The following AFF3 variants were observed in gnomAD, a reference collection of about 807,000 sequenced individuals.
AFF3 encodes ALF transcription elongation factor 3.
Under a neutral mutation model 129.7 loss-of-function variants are expected in AFF3, and 32 were observed. The ratio of observed to expected loss-of-function variants is 0.25; its 90% CI spans 0.19 to 0.33. AFF3 has a LOEUF of 0.33. Among genes scored for constraint, AFF3 ranks in the 10% least tolerant of loss-of-function variants. The probability of loss-of-function intolerance (pLI) is 1.00; values close to 1 mark genes in which losing one functional copy is unlikely to be tolerated. For synonymous variants in AFF3, 644 were observed against 635.4 expected, an observed-to-expected ratio of 1.01 and a Z score of -0.20; for missense variants, 1,373 against 1,592.0, an observed-to-expected ratio of 0.86 and a Z score of 2.34.
At chr2:100,082,140 C>T (rs1689087968) in intron 4 of AFF3, among the ~76,000 whole-genome samples, 2 of 152,136 alleles carry the variant, frequency 1.3e-5, no homozygotes, top group Non-Finnish European at 2.9e-5. Flanking sequence ...TTTTAATTCT[C>T]ATTATGAGAT....
intron 8 of AFF3, among the ~76,000 whole-genome samples, chr2:99,812,968 C>A (rs866138346): frequency 3.3e-5 from 5 of 152,020 alleles, no homozygotes; most frequent in Non-Finnish European, 5.9e-5. Flanking sequence ...TTTTATAATT[C>A]ATTACCCTAT....
At chr2:99,975,911 A>C (rs1299115638) in intron 7 of AFF3, among the ~76,000 whole-genome samples, 3 of 151,388 alleles carry the variant, frequency 2.0e-5, no homozygotes, top group Admixed American at 2.0e-4. Context: ...AACCCACACA[A>C]AAAAAATGAA....
intron 18 of AFF3, among the ~76,000 whole-genome samples, 156 bp from the exon 19 acceptor site, chr2:99,569,071 T>G (rs1676246170): frequency 6.6e-6 from 1 of 152,248 alleles, no homozygotes; most frequent in Non-Finnish European, 1.5e-5. Flanking sequence ...ACTGCCTGTA[T>G]GTCAAATACC....
chr2:100,112,365 C>G (rs111268978), intron 2 of AFF3: 7 of 152,238 alleles, frequency 4.6e-5, no homozygotes, highest in Non-Finnish European at 8.8e-5. Flanking sequence ...CAGGAAACCC[C>G]TGGAAAAGAA....
At chr2:100,052,794 A>AGGGGCAGGGC (rs1686451235) in intron 4 of AFF3, among the ~76,000 whole-genome samples, 1 of 152,246 alleles carries the variant, frequency 6.6e-6, no homozygotes, top group Non-Finnish European at 1.5e-5. Flanking sequence ...GGACTCCTGC[A>AGGGGCAGGGC]GGGGCAGGGC....
In AFF3 at chr2:99,568,742, G is replaced by A. The variant is rs548382887; in HGVS notation, c.2982+110C>T. 489 of 1,083,888 alleles carry A rather than the reference G, an allele frequency of 4.5e-4. 2 individuals are homozygous for A. The South Asian group carries it at 4.7e-3, about 10-fold the overall frequency. 67.1% of individuals were successfully genotyped at this position (1,083,888 alleles called of 1,614,324 possible). On this transcript the variant is annotated intron_variant, in intron 19 of 24. Coordinates refer to ENST00000672756, the MANE Select transcript of AFF3 (RefSeq NM_001386135.1). ...AAACATTTCTCCATTGAACAGACCC[G>A]GCCATCCTTGTAATAGATTTTATAA... is the stretch of plus-strand genomic sequence containing the variant.
intron 7 of AFF3, among the ~76,000 whole-genome samples, chr2:99,955,304 T>C (rs113954832): frequency 1.1e-4 from 16 of 151,960 alleles, no homozygotes; most frequent in South Asian, 1.0e-3. Flanking sequence ...TAATAAAATA[T>C]ATAGAGTATT....
chr2:99,560,641 A>G (rs1675383790), intron 20 of AFF3, among the ~76,000 whole-genome samples: 1 of 152,224 alleles, frequency 6.6e-6, no homozygotes, highest in Non-Finnish European at 1.5e-5. Context: ...TGTGATGACT[A>G]GAACAGCTAC....
chr2:99,670,875 G>T (rs1687088605), intron 12 of AFF3, among the ~76,000 whole-genome samples: 3 of 152,168 alleles, frequency 2.0e-5, no homozygotes, highest in African/African-American at 7.2e-5. Flanking sequence ...AAGAATAAAG[G>T]ATCTGACCTG....
intron 13 of AFF3, 115 bp from the exon 14 acceptor site, chr2:99,601,736 C>T (rs1679861664): frequency 8.0e-6 from 10 of 1,243,578 alleles, no homozygotes; most frequent in African/African-American, 1.5e-5. Context: ...GCAGCCTACA[C>T]ATCTGTCAAC....
chr2:99,551,303 A>T lies in AFF3; in HGVS notation c.*171T>A. The stretch of plus-strand genomic sequence containing the variant: ...CACACATACACAGGCGGCTTCTTAT[A>T]TACCCACACATACAAACACACATGC... On this transcript the variant is annotated 3_prime_UTR_variant, in exon 25 of 25. Coordinates refer to ENST00000672756, the MANE Select transcript of AFF3 (RefSeq NM_001386135.1). 1.1e-6 allele frequency: 1 copy of T among 901,816 alleles called. No individual in the cohort carries two copies. Among genetic ancestry groups the T allele is most frequent in the Non-Finnish European group, 1.6e-6 (1 of 610,094 alleles). 55.9% of individuals were successfully genotyped at this position (901,816 alleles called of 1,614,324 possible). A position where few individuals can be genotyped will look rare whatever the true frequency, so the allele number is the denominator to read the frequency against.
At chr2:99,596,933 T>G (rs1461963329) in intron 14 of AFF3, among the ~76,000 whole-genome samples, 1 of 152,208 alleles carries the variant, frequency 6.6e-6, no homozygotes, top group Non-Finnish European at 1.5e-5. Context: ...CTATTGCCTC[T>G]CAAACAAAAT....
rs1330911542 is a variant in AFF3, at chr2:99,601,450, G to A, written c.1356C>T (p.His452=). 1.2e-6 allele frequency: 2 copies of A among 1,607,714 alleles called. No homozygotes were observed. Among genetic ancestry groups the A allele is most frequent in the East Asian group, 2.2e-5 (1 of 44,694 alleles). The change falls in exon 14 of 25, where the codon CAC becomes CAT. Residue 452 remains histidine (H), a synonymous_variant. Transcript: ENST00000672756. ...SSESEGSKPP[H]FSSPEAEPAS... ...CAGCGCTTACCTCGGGGCTGGAGAAGTGGGGGGGCTTGCTGCCCTCACTCT... is the reference window on the plus strand; with the variant it reads ...CAGCGCTTACCTCGGGGCTGGAGAAATGGGGGGGCTTGCTGCCCTCACTCT...
chr2:99,601,561 G>C lies in AFF3; in HGVS notation c.1245C>G (p.Ser415Arg). ...AGCTGCTGCTGCCGCTGCTGCTGCT[G>C]CTGCTGCTGCCCTTGCTGGAAGGCA... ...TSVPSSKGSS[S>R]SSSSGSSSSS... The change falls in exon 14 of 25, where the codon AGC becomes AGG. Residue 415 changes from serine (S) to arginine (R), a missense_variant. By Grantham distance (110) the Ser-to-Arg change is moderately radical. This residue lies in a region of AFF3 where 413 missense variants were observed against 424.4 expected (regional missense o/e 0.97). Coordinates refer to ENST00000672756, the MANE Select transcript of AFF3 (RefSeq NM_001386135.1). 6.2e-7 allele frequency: 1 copy of C among 1,602,260 alleles called. No individual in the cohort carries two copies. The highest frequency in any genetic ancestry group is 8.5e-7 in the Non-Finnish European group (1 of 1,176,592).
chr2:99,746,073 T>C (rs1239948834), intron 9 of AFF3, among the ~76,000 whole-genome samples: 1 of 151,794 alleles, frequency 6.6e-6, no homozygotes, highest in Non-Finnish European at 1.5e-5. Context: ...TTCACCACTA[T>C]ATAATTTATC....
intron 8 of AFF3, among the ~76,000 whole-genome samples, chr2:99,792,504 A>AAC (rs1365376507): frequency 6.7e-6 from 1 of 150,034 alleles, no homozygotes; most frequent in African/African-American, 2.5e-5. Context: ...AAAACAAACA[A>AAC]AACAACAAAA....
At chr2:99,870,694 C>T (rs1048485291) in intron 7 of AFF3, among the ~76,000 whole-genome samples, 1 of 152,230 alleles carries the variant, frequency 6.6e-6, no homozygotes, top group Non-Finnish European at 1.5e-5. Context: ...TTGTAACCAT[C>T]TTGGACCCTT....
intron 4 of AFF3, among the ~76,000 whole-genome samples, chr2:100,014,743 G>A (rs1336127499): frequency 6.7e-6 from 1 of 150,318 alleles, no homozygotes; most frequent in East Asian, 1.9e-4. Flanking sequence ...TTCAGAGGCG[G>A]TTATGTTACT....
intron 15 of AFF3, among the ~76,000 whole-genome samples, chr2:99,589,022 C>A (rs115948162): frequency 6.6e-6 from 1 of 152,160 alleles, no homozygotes; most frequent in African/African-American, 2.4e-5. Flanking sequence ...CAGAATATTA[C>A]GGAATTTTAT....
Sources: allele counts gnomAD v4.1 joint callset (sites outside exome capture counted in the v4.1 genomes callset), GRCh38; gene constraint gnomAD v4.1.1; regional missense constraint gnomAD v4.1.1; transcripts MANE v1.5; gene names NCBI Gene and HGNC (gene_info 2026-07-23, HGNC 2026-07-21).